The following CACNB2 variants were observed in gnomAD, a reference collection of about 807,000 sequenced individuals.
CACNB2 encodes the protein calcium voltage-gated channel auxiliary subunit beta 2, also known as voltage-dependent L-type calcium channel subunit beta-2.
A neutral mutation model predicts 73.3 loss-of-function variants in CACNB2; 42 were observed. That is an observed-to-expected ratio of 0.57 (90% CI 0.45 to 0.74). CACNB2 has a LOEUF of 0.74. Among genes scored for constraint, CACNB2 ranks in the 30% least tolerant of loss-of-function variants. The pLI, the probability that CACNB2 is intolerant of heterozygous loss-of-function variation, is 0.00. For missense variants in CACNB2, 940 were observed against 853.0 expected (o/e 1.10, Z -1.27); for synonymous variants, 348 against 310.3 (o/e 1.12, Z -1.28).
chr10:18,217,016 C>T (rs938073661), intron 2 of CACNB2, among the ~76,000 whole-genome samples: 9 of 152,150 alleles, frequency 5.9e-5, no homozygotes, highest in Non-Finnish European at 8.8e-5. Flanking sequence ...CCTTTTTATT[C>T]ATTTATCTTT....
intron 3 of CACNB2, among the ~76,000 whole-genome samples, chr10:18,420,615 A>T (rs2045267414): frequency 6.6e-6 from 1 of 152,200 alleles, no homozygotes; most frequent in South Asian, 2.1e-4. Flanking sequence ...TGGAGAAGGC[A>T]GTCAACTTAC....
intron 3 of CACNB2, among the ~76,000 whole-genome samples, chr10:18,473,061 T>C (rs1314245742): frequency 6.6e-6 from 1 of 152,228 alleles, no homozygotes; most frequent in African/African-American, 2.4e-5. Context: ...TTTGCATTGT[T>C]GTTCGGTAAT....
At chr10:18,200,120 T>C (rs11012974) in intron 2 of CACNB2, among the ~76,000 whole-genome samples, 2,301 of 152,248 alleles carry the variant, frequency 0.015, 75 homozygotes, top group East Asian at 0.14. Flanking sequence ...TTTAAAACAT[T>C]GTTCCTAAAA....
chr10:18,232,316 G>T (rs1417382857), intron 2 of CACNB2, among the ~76,000 whole-genome samples: 1 of 152,066 alleles, frequency 6.6e-6, no homozygotes, highest in Non-Finnish European at 1.5e-5. Context: ...TTTTGCAGAA[G>T]AGTGAACTTA....
intron 2 of CACNB2, among the ~76,000 whole-genome samples, chr10:18,233,515 A>G (rs1232738805): frequency 6.6e-6 from 1 of 151,986 alleles, no homozygotes; most frequent in Non-Finnish European, 1.5e-5. Context: ...AAAAAGAATG[A>G]TGTTCTTATT....
intron 4 of CACNB2, among the ~76,000 whole-genome samples, chr10:18,499,805 TAAAAA>T (rs60864177): frequency 6.4e-4 from 75 of 117,788 alleles, no homozygotes; most frequent in African/African-American, 2.3e-3. Flanking sequence ...ACCCCATCTC[TAAAAA>T]AAAAAAAAAA....
At chr10:18,192,374 G>T (rs1486823145) in intron 2 of CACNB2, among the ~76,000 whole-genome samples, 4 of 151,784 alleles carry the variant, frequency 2.6e-5, no homozygotes, top group African/African-American at 4.8e-5. Flanking sequence ...TAGAGACAGG[G>T]TCTCCCTTTG....
intron 2 of CACNB2, chr10:18,257,299 C>G (rs954197175): frequency 6.6e-6 from 1 of 152,234 alleles, no homozygotes; most frequent in Non-Finnish European, 1.5e-5. Flanking sequence ...CTTAGCCCAG[C>G]AGCCGATGTC....
rs1457582810 is a variant in CACNB2 at position 18,542,617 on chromosome 10, C to T, written c.*2893C>T. On this transcript the variant is annotated 3_prime_UTR_variant, in exon 14 of 14. Coordinates refer to ENST00000324631, the MANE Select transcript of CACNB2 (RefSeq NM_201596.3). Reference sequence around the variant, plus strand: ...CACTTTACTGTAGAACATATTAGTGCAAATCAGAATATTCCTCAAAGAACT... The same window carrying T: ...CACTTTACTGTAGAACATATTAGTGTAAATCAGAATATTCCTCAAAGAACT... The T allele has an allele frequency of 6.6e-6, 1 of 151,994 alleles. No individual in the cohort carries two copies. 9.4% of individuals were successfully genotyped at this position (151,994 alleles called of 1,614,324 possible).
chr10:18,367,068 G>C (rs950871415), intron 2 of CACNB2, among the ~76,000 whole-genome samples: 1 of 152,196 alleles, frequency 6.6e-6, no homozygotes, highest in African/African-American at 2.4e-5. Context: ...CTACGATGAC[G>C]ATGAGCCTTC....
chr10:18,209,143 A>G (rs1186255044), intron 2 of CACNB2, among the ~76,000 whole-genome samples: 2 of 152,212 alleles, frequency 1.3e-5, no homozygotes, highest in Non-Finnish European at 1.5e-5. Flanking sequence ...TGTAAATGTT[A>G]TGTCTTATTA....
Position 18,538,319 on chromosome 10 carries a change from C to G in CACNB2, c.1442C>G (p.Ala481Gly), listed in dbSNP as rs2053805651. 1.2e-6 allele frequency: 2 copies of G among 1,614,148 alleles called. No homozygotes were observed. The highest frequency in any genetic ancestry group is 2.2e-5 in the East Asian group (1 of 44,886). Residue 481 changes from alanine to glycine, a missense_variant, in exon 13 of 14, where the codon GCC (alanine) becomes GGC (glycine). Physicochemically the swap from Ala to Gly is moderately conservative, Grantham distance 60 (BLOSUM62 0). Coordinates refer to ENST00000324631, the MANE Select transcript of CACNB2 (RefSeq NM_201596.3). The part of the protein sequence containing the change: ...LPNPLLSRTL[A>G]TSSLPLSPTL... ...AACCCTCTCCTTAGCCGTACATTAG[C>G]CACTTCAAGTCTGCCTCTTAGCCCC...
At chr10:18,314,452 C>T (rs1034666531) in intron 2 of CACNB2, among the ~76,000 whole-genome samples, 4 of 151,934 alleles carry the variant, frequency 2.6e-5, no homozygotes, top group Middle Eastern at 6.8e-3. Flanking sequence ...TTGTTTGTTA[C>T]ATCAGTAAAT....
chr10:18,421,021 A>C (rs926881059), intron 3 of CACNB2, among the ~76,000 whole-genome samples: 3 of 152,220 alleles, frequency 2.0e-5, no homozygotes, highest in African/African-American at 7.2e-5. Context: ...GATAAAATAC[A>C]AAAGAAGGAA....
intron 2 of CACNB2, among the ~76,000 whole-genome samples, chr10:18,336,188 G>GAGCC (rs2040998090): frequency 6.6e-6 from 1 of 152,158 alleles, no homozygotes; most frequent in Admixed American, 6.5e-5. Context: ...TTCATTAAAG[G>GAGCC]AGCCAGCATG....
intron 2 of CACNB2, among the ~76,000 whole-genome samples, chr10:18,386,285 T>A (rs1295323390): frequency 6.6e-6 from 1 of 152,146 alleles, no homozygotes; most frequent in Non-Finnish European, 1.5e-5. Context: ...TTTTTCTTAT[T>A]GATTATAAGA....
At chr10:18,372,744 C>T (rs1364649540) in intron 2 of CACNB2, among the ~76,000 whole-genome samples, 3 of 152,126 alleles carry the variant, frequency 2.0e-5, no homozygotes, top group Non-Finnish European at 2.9e-5. Flanking sequence ...CCTTCTTCCT[C>T]ATTTATGTGT....
intron 2 of CACNB2, among the ~76,000 whole-genome samples, chr10:18,193,632 T>C (rs77963678): frequency 0.13 from 19,195 of 152,178 alleles, 1,337 homozygotes; most frequent in African/African-American, 0.19. Flanking sequence ...GGTGGGTTGA[T>C]GTGTGTTTTA....
At chr10:18,284,153 T>C (rs2038684025) in intron 2 of CACNB2, among the ~76,000 whole-genome samples, 1 of 152,182 alleles carries the variant, frequency 6.6e-6, no homozygotes, top group African/African-American at 2.4e-5. Context: ...GGCCTCACAA[T>C]CATGGCAGAA....
Sources: allele counts gnomAD v4.1 joint callset (sites outside exome capture counted in the v4.1 genomes callset), GRCh38; gene constraint gnomAD v4.1.1; transcripts MANE v1.5; gene names NCBI Gene and HGNC (gene_info 2026-07-23, HGNC 2026-07-21).